TMEM39A: variants seen among roughly 807,000 people sequenced by gnomAD.
TMEM39A encodes suppressor of SQST-1 aggregates in rpl-43 mutants.
Under a neutral mutation model 51.9 loss-of-function variants are expected in TMEM39A, and 19 were observed. That is an observed-to-expected ratio of 0.37 (90% CI 0.26 to 0.54). The LOEUF is 0.54. Ranked by LOEUF, TMEM39A falls within the 20% of genes least tolerant of loss-of-function variation. The probability of loss-of-function intolerance (pLI) is 0.88; values close to 1 mark genes in which losing one functional copy is unlikely to be tolerated. For missense variants in TMEM39A, 433 were observed against 590.5 expected (o/e 0.73, Z 2.76); for synonymous variants, 197 against 220.2 (o/e 0.89, Z 0.93).
intron 5 of TMEM39A, among the ~76,000 whole-genome samples, chr3:119,442,058 C>T (rs1045432011): frequency 5.3e-5 from 8 of 152,114 alleles, no homozygotes; most frequent in Non-Finnish European, 1.0e-4. Flanking sequence ...ATATTATGTA[C>T]GGCTGGGTGC....
chr3:119,462,648 G>GGGGGGGGGGGGT (rs2081354721), intron 1 of TMEM39A, among the ~76,000 whole-genome samples: 1 of 89,074 alleles, frequency 1.1e-5, no homozygotes, highest in African/African-American at 4.2e-5. Flanking sequence ...GGGGGGCGGG[G>GGGGGGGGGGGGT]GGGGGGAGTG....
intron 4 of TMEM39A, among the ~76,000 whole-genome samples, chr3:119,449,967 G>A (rs2081177526): frequency 1.3e-5 from 2 of 152,066 alleles, no homozygotes; most frequent in Non-Finnish European, 1.5e-5. Context: ...AAATATTATT[G>A]ATCTTTCTCA....
At position 119,457,611 on chromosome 3, in the gene TMEM39A, G is replaced by C. The variant is rs76910561; in HGVS notation, c.336+407C>G. Among the ~76,000 whole-genome samples, 1,150 of 152,214 alleles carry C rather than the reference G, an allele frequency of 7.6e-3. 19 individuals are homozygous for C. The highest frequency in any genetic ancestry group is 0.071 in the South Asian group (344 of 4,816). ...AGCCTGGGTCCCCTGAAGAACTCCT[G>C]GCAACCAGGACAACTGCCTCAGAGT... On this transcript the variant is annotated intron_variant, in intron 3 of 8. Transcript: ENST00000319172.
intron 2 of TMEM39A, among the ~76,000 whole-genome samples, chr3:119,459,356 C>CCAGCAAGCA (rs1323504430): frequency 8.6e-5 from 13 of 151,996 alleles, no homozygotes; most frequent in Non-Finnish European, 1.6e-4. Flanking sequence ...TGGTATGGAG[C>CCAGCAAGCA]CAGCAAGCAG....
At chr3:119,449,160 AT>A (rs2081165986) in intron 4 of TMEM39A, among the ~76,000 whole-genome samples, 1 of 151,514 alleles carries the variant, frequency 6.6e-6, no homozygotes, top group Non-Finnish European at 1.5e-5. Context: ...TATTCATAAC[AT>A]TATGTTAATT....
At chr3:119,435,094 C>A (rs2080950868) in intron 7 of TMEM39A, 6 of 983,910 alleles carry the variant, frequency 6.1e-6, no homozygotes, top group Non-Finnish European at 7.2e-6. Context: ...ACAGAGGTTG[C>A]AAAGAAATAT....
At chr3:119,452,259 G>GT (rs1259139357) in intron 4 of TMEM39A, among the ~76,000 whole-genome samples, 188 bp downstream of exon 4, 4 of 152,298 alleles carry the variant, frequency 2.6e-5, no homozygotes, top group Non-Finnish European at 4.4e-5. Context: ...TTTTCTAACA[G>GT]TTTTTGACAC....
At chr3:119,437,722 C>A in intron 6 of TMEM39A, 33 bp downstream of exon 6, 1 of 1,454,662 alleles carries the variant, frequency 6.9e-7, no homozygotes, top group Non-Finnish European at 9.3e-7. Flanking sequence ...CACACAAATC[C>A]AGGAAGCACA....
chr3:119,459,296 T>A (rs985916007), intron 2 of TMEM39A, among the ~76,000 whole-genome samples: 6 of 152,172 alleles, frequency 3.9e-5, no homozygotes, highest in African/African-American at 1.4e-4. Flanking sequence ...TGTCCTTGCA[T>A]ATAAAGTTTG....
chr3:119,457,192 G>A (rs1318184500), intron 3 of TMEM39A, among the ~76,000 whole-genome samples: 2 of 151,256 alleles, frequency 1.3e-5, no homozygotes, highest in Admixed American at 6.6e-5. Flanking sequence ...GGATGGTCTC[G>A]ATCTCTTAAC....
intron 3 of TMEM39A, among the ~76,000 whole-genome samples, chr3:119,455,601 A>T (rs1043856945): frequency 6.6e-6 from 1 of 152,212 alleles, no homozygotes; most frequent in African/African-American, 2.4e-5. Context: ...AGCAAAAGGC[A>T]TCCATTTTTG....
At chr3:119,457,333 T>C (rs890316976) in intron 3 of TMEM39A, among the ~76,000 whole-genome samples, 2 of 152,218 alleles carry the variant, frequency 1.3e-5, no homozygotes, top group African/African-American at 4.8e-5. Flanking sequence ...TTTTATGTAC[T>C]TCAGCAAAGA....
chr3:119,461,410 G>A (rs2081335395), intron 2 of TMEM39A, among the ~76,000 whole-genome samples: 1 of 152,198 alleles, frequency 6.6e-6, no homozygotes, highest in Non-Finnish European at 1.5e-5. Context: ...CAAGACAAGA[G>A]AAAAACTTTT....
chr3:119,440,606 A>G (rs2081039612), intron 5 of TMEM39A, among the ~76,000 whole-genome samples: 1 of 152,226 alleles, frequency 6.6e-6, no homozygotes, highest in Non-Finnish European at 1.5e-5. Context: ...GAGGGGTAAG[A>G]AAAAGAGGCA....
intron 2 of TMEM39A, among the ~76,000 whole-genome samples, chr3:119,458,998 AC>A (rs754321149): frequency 4.2e-4 from 64 of 152,200 alleles, no homozygotes; most frequent in Non-Finnish European, 8.4e-4. Flanking sequence ...GTGAAGTGCT[AC>A]TCATCCAGGA....
chr3:119,451,826 G>A (rs867505556), intron 4 of TMEM39A, among the ~76,000 whole-genome samples: 108 of 43,258 alleles, frequency 2.5e-3, no homozygotes, highest in Middle Eastern at 0.043. Flanking sequence ...GTGAAACTCC[G>A]TCTCAAAAAA....
At chr3:119,446,926 G>T (rs2081133421) in intron 5 of TMEM39A, 92 bp downstream of exon 5, 1 of 1,344,896 alleles carries the variant, frequency 7.4e-7, no homozygotes, top group East Asian at 2.5e-5. Flanking sequence ...TATATTTGAA[G>T]AATTTCATTT....
At chr3:119,433,135 A>T (rs2080922732) in intron 8 of TMEM39A, among the ~76,000 whole-genome samples, 1 of 152,186 alleles carries the variant, frequency 6.6e-6, no homozygotes, top group Non-Finnish European at 1.5e-5. Context: ...ACTAATTTAG[A>T]TGGAATTTAG....
In TMEM39A at chr3:119,462,025, G is replaced by A. The variant is rs1399550242; in HGVS notation, c.50C>T (p.Ala17Val). The change falls in exon 2 of 9, where the codon GCT becomes GTT. Residue 17 changes from alanine to valine, a missense_variant. Coordinates refer to ENST00000319172, the MANE Select transcript of TMEM39A (RefSeq NM_018266.3). ...AACCAAAGTCTGCAAAGAAGGTAAA[G>A]CTGAACGGCTTAGCTGTTGCCGACT... ...GPSRQQLSRSALPSLQTLVGG... is the reference protein window; with the variant it reads ...GPSRQQLSRSVLPSLQTLVGG... 1 of 1,614,044 alleles carries A rather than the reference G, an allele frequency of 6.2e-7. No homozygotes were observed. The highest frequency in any genetic ancestry group is 8.5e-7 in the Non-Finnish European group (1 of 1,180,016).
Sources: allele counts gnomAD v4.1 joint callset (sites outside exome capture counted in the v4.1 genomes callset), GRCh38; gene constraint gnomAD v4.1.1; transcripts MANE v1.5; gene names NCBI Gene and HGNC (gene_info 2026-07-23, HGNC 2026-07-21).